Variants in UBE3A observed in about 807,000 individuals in gnomAD.
UBE3A encodes ubiquitin-protein ligase E3A.
In UBE3A, 6 loss-of-function variants were observed where a neutral mutation model predicts 83.4. The ratio of observed to expected loss-of-function variants is 0.07; its 90% CI spans 0.04 to 0.14. UBE3A has a LOEUF of 0.14. UBE3A is among the 10% of genes least tolerant of loss of function. The pLI, the probability that UBE3A is intolerant of heterozygous loss-of-function variation, is 1.00. For synonymous variants in UBE3A, 337 were observed against 355.4 expected, an observed-to-expected ratio of 0.95 and a Z score of 0.58; for missense variants, 456 against 1,036.1, an observed-to-expected ratio of 0.44 and a Z score of 7.69.
chr15:25,419,999 AAT>A (rs951433022), intron 1 of UBE3A, among the ~76,000 whole-genome samples: 1 of 152,134 alleles, frequency 6.6e-6, no homozygotes, highest in African/African-American at 2.4e-5. Context: ...ATAGAAAACA[AAT>A]AGTGTCTTAA....
chr15:25,369,227 C>T (rs191274072), intron 6 of UBE3A, among the ~76,000 whole-genome samples: 1 of 151,646 alleles, frequency 6.6e-6, no homozygotes, highest in Admixed American at 6.6e-5. Context: ...AAAAGGGTAC[C>T]AGAAAGCAAG....
intron 4 of UBE3A, chr15:25,393,770 A>G (rs2084927324): frequency 1.3e-5 from 2 of 152,202 alleles, no homozygotes; most frequent in Admixed American, 1.3e-4. Flanking sequence ...ATATAGGTTT[A>G]TATGATGCTT....
intron 1 of UBE3A, among the ~76,000 whole-genome samples, chr15:25,433,092 G>A (rs905352235): frequency 6.6e-6 from 1 of 151,880 alleles, no homozygotes; most frequent in African/African-American, 2.4e-5. Context: ...ACTGAATAAT[G>A]TATCACAAAC....
In UBE3A at chr15:25,411,924, T is replaced by C. The variant is rs1054037599; in HGVS notation, c.-117A>G. On this transcript the variant is annotated 5_prime_UTR_variant, in exon 2 of 13. Coordinates refer to ENST00000648336, the MANE Select transcript of UBE3A (RefSeq NM_130839.5). ...AAAACATACCATATTTCGCCAAACT[T>C]CTGAGGAGCTGGTGAATTCTAAAAT... 1.3e-5 allele frequency: 2 copies of C among 152,192 alleles called. No homozygotes were observed. The highest frequency in any genetic ancestry group is 4.8e-5 in the African/African-American group (2 of 41,442). The allele number at this position is 152,192 out of a possible 1,614,324, so 9.4% of individuals were successfully genotyped here.
intron 4 of UBE3A, among the ~76,000 whole-genome samples, chr15:25,401,893 T>C (rs1379329840): frequency 6.6e-6 from 1 of 152,226 alleles, no homozygotes; most frequent in Non-Finnish European, 1.5e-5. Context: ...TCAGAATTTG[T>C]TAAAAAATAA....
At chr15:25,350,997 G>A (rs979220314) in intron 11 of UBE3A, among the ~76,000 whole-genome samples, 1 of 152,180 alleles carries the variant, frequency 6.6e-6, no homozygotes, top group African/African-American at 2.4e-5. Context: ...TTACATAAAT[G>A]TAATTTTTAA....
At chr15:25,339,354 G>C in intron 12 of UBE3A, 97 bp from the exon 13 acceptor site, 1 of 1,478,708 alleles carries the variant, frequency 6.8e-7, no homozygotes, top group Non-Finnish European at 9.2e-7. Flanking sequence ...ATATAGTTGA[G>C]ACGGTCTGCA....
intron 1 of UBE3A, among the ~76,000 whole-genome samples, chr15:25,421,161 G>C (rs1889629705): frequency 6.6e-6 from 1 of 152,170 alleles, no homozygotes; most frequent in Admixed American, 6.5e-5. Context: ...TTGGGATACA[G>C]AGTGAGTTCG....
At chr15:25,401,990 T>G (rs1421173813) in intron 4 of UBE3A, among the ~76,000 whole-genome samples, 1 of 152,226 alleles carries the variant, frequency 6.6e-6, no homozygotes, top group Admixed American at 6.5e-5. Context: ...TTCATTGAGC[T>G]TCCTTAAACA....
chr15:25,414,144 G>GT (rs1387885810), intron 1 of UBE3A, among the ~76,000 whole-genome samples: 4 of 152,132 alleles, frequency 2.6e-5, no homozygotes, highest in African/African-American at 7.2e-5. Flanking sequence ...TACATTCAAC[G>GT]TATCTAATAT....
rs554237187 is a variant in UBE3A, at chr15:25,370,204, A to C, written c.1608+362T>G. ...ATGGTTTTACTGTACCATTACTCCC[A>C]GTTCAAGACTGCACATCCACACTTA... On this transcript the variant is annotated intron_variant, in intron 6 of 12. Coordinates refer to ENST00000648336, the MANE Select transcript of UBE3A (RefSeq NM_130839.5). This position sits in a 1 kb window ranked among gnomAD's most constrained non-coding sequence, Gnocchi z 4.2. Among the ~76,000 whole-genome samples, 2 of 152,194 alleles carry C rather than the reference A, an allele frequency of 1.3e-5. No individual in the cohort carries two copies. The highest frequency in any genetic ancestry group is 2.9e-5 in the Non-Finnish European group (2 of 68,036).
intron 12 of UBE3A, chr15:25,339,800 T>A (rs891100054): frequency 9.0e-6 from 4 of 444,746 alleles, no homozygotes; most frequent in Non-Finnish European, 1.7e-5. Context: ...GATGATCATG[T>A]TATATGGCTT....
chr15:25,406,755 A>G (rs1383482338), intron 3 of UBE3A, among the ~76,000 whole-genome samples: 2 of 151,744 alleles, frequency 1.3e-5, no homozygotes, highest in East Asian at 1.9e-4. Flanking sequence ...CTTAGCTAAA[A>G]ACAAAAACAA....
chr15:25,369,201 C>T (rs552567669), intron 6 of UBE3A, among the ~76,000 whole-genome samples: 8 of 152,046 alleles, frequency 5.3e-5, no homozygotes, highest in Non-Finnish European at 1.5e-5. Flanking sequence ...TGTCTCAAAA[C>T]TATGTAAGTG....
chr15:25,344,314 TC>T (rs1217103522), intron 11 of UBE3A, among the ~76,000 whole-genome samples: 2 of 152,212 alleles, frequency 1.3e-5, no homozygotes, highest in South Asian at 4.1e-4. Context: ...GTGGGATGAT[TC>T]TCAGGATACA....
chr15:25,376,042 G>A (rs2081151295), intron 4 of UBE3A, among the ~76,000 whole-genome samples: 1 of 152,144 alleles, frequency 6.6e-6, no homozygotes, highest in Admixed American at 6.5e-5. Context: ...AGGGGGGCTT[G>A]TCTGATGGTA....
intron 6 of UBE3A, among the ~76,000 whole-genome samples, chr15:25,362,527 A>G (rs1017943798): frequency 6.6e-6 from 1 of 152,164 alleles, no homozygotes; most frequent in East Asian, 1.9e-4. Flanking sequence ...GTTACCTTTT[A>G]AAATAGTTTT....
intron 1 of UBE3A, among the ~76,000 whole-genome samples, chr15:25,415,277 C>T (rs1024862838): frequency 2.6e-5 from 4 of 152,180 alleles, no homozygotes; most frequent in Non-Finnish European, 5.9e-5. Context: ...ATTCTATATT[C>T]AAAAGCTTTA....
chr15:25,364,112 G>A (rs1389271200), intron 6 of UBE3A, among the ~76,000 whole-genome samples: 2 of 151,804 alleles, frequency 1.3e-5, no homozygotes, highest in African/African-American at 4.8e-5. Context: ...TGTCATCCCA[G>A]CTACTTGGGA....
Sources: gnomAD v4.1 joint callset for allele counts (sites outside exome capture counted in the v4.1 genomes callset) on GRCh38, gnomAD v4.1.1 for gene constraint, Gnocchi (gnomAD v3.1) non-coding constraint, MANE v1.5 for transcripts, NCBI Gene and HGNC (gene_info 2026-07-23, HGNC 2026-07-21) for gene names.